Variants in IL1RAPL1 observed in about 807,000 individuals in gnomAD.
IL1RAPL1 encodes interleukin-1 receptor accessory protein-like 1.
In IL1RAPL1, 3 loss-of-function variants were observed where a neutral mutation model predicts 48.4. That is an observed-to-expected ratio of 0.06 (90% CI 0.03 to 0.16). The LOEUF is 0.16. Ranked by LOEUF, IL1RAPL1 falls within the 10% of genes least tolerant of loss-of-function variation. The pLI is 1.00. For synonymous variants in IL1RAPL1, 185 were observed against 187.7 expected (o/e 0.99, Z 0.12); for missense variants, 349 against 530.6 (o/e 0.66, Z 3.36).
In IL1RAPL1 at chrX:28,945,507, G is replaced by A. The variant is rs754104917; in HGVS notation, c.82+156082G>A. On this transcript the variant is annotated intron_variant, in intron 2 of 10. Coordinates refer to ENST00000378993, the MANE Select transcript of IL1RAPL1 (RefSeq NM_014271.4). ...CAGCAAACTATCACAGGAACAGAAA[G>A]CCAAATAACACATGTTCTCACTCAT... is the stretch of plus-strand genomic sequence containing the variant. 3.9e-3 allele frequency among the ~76,000 whole-genome samples: 433 copies of A among 110,667 alleles called. 4 individuals carry two copies. Among genetic ancestry groups the A allele is most frequent in the African/African-American group, 0.013 (407 of 30,412 alleles).
rs191746020 is a variant in IL1RAPL1 at position 29,537,030 on chromosome X, A to G, written c.704-131400A>G. Reference sequence around the variant, plus strand: ...TTTTATAATTTTAAAATTGGCATGTAGAGTACACATATAATTTCCTTAAAA... The same window carrying G: ...TTTTATAATTTTAAAATTGGCATGTGGAGTACACATATAATTTCCTTAAAA... On this transcript the variant is annotated intron_variant, in intron 5 of 10. Coordinates refer to ENST00000378993, the MANE Select transcript of IL1RAPL1 (RefSeq NM_014271.4). Among the ~76,000 whole-genome samples, 447 of 111,119 alleles carry G rather than the reference A, an allele frequency of 4.0e-3. 4 individuals carry two copies. The highest frequency in any genetic ancestry group is 6.4e-3 in the Non-Finnish European group (337 of 52,898).
At chrX:29,489,674 G>T (rs1198433601) in intron 5 of IL1RAPL1, among the ~76,000 whole-genome samples, 2 of 111,314 alleles carry the variant, frequency 1.8e-5, no homozygotes, top group Non-Finnish European at 3.8e-5. Flanking sequence ...TTCTTTATAA[G>T]GGGATTTATT....
In IL1RAPL1 at chrX:29,800,495, T is replaced by TACACACAC. The variant is rs111338514; in HGVS notation, c.779-116955_779-116948dup. On this transcript the variant is annotated intron_variant, in intron 6 of 10. Coordinates refer to ENST00000378993, the MANE Select transcript of IL1RAPL1 (RefSeq NM_014271.4). Reference sequence around the variant, plus strand: ...TATTATAGGAGACTCATATCCCAAATACACACACACACACACACACATGCA... The same window carrying TACACACAC: ...TATTATAGGAGACTCATATCCCAAATACACACACACACACACACACACACACACATGCA... Among the ~76,000 whole-genome samples the TACACACAC allele has an allele frequency of 9.9e-3, 1,030 of 103,802 alleles. 11 individuals carry two copies. The highest frequency in any genetic ancestry group is 0.034 in the African/African-American group (968 of 28,560). 90.1% of individuals were successfully genotyped at this position (103,802 alleles called of 115,157 possible). A position where few individuals can be genotyped will look rare whatever the true frequency, so the allele number is the denominator to read the frequency against.
intron 2 of IL1RAPL1, among the ~76,000 whole-genome samples, chrX:28,954,126 C>T (rs1924541500): frequency 9.0e-6 from 1 of 111,570 alleles, no homozygotes; most frequent in Admixed American, 9.5e-5. Flanking sequence ...CAAAGAAATG[C>T]AATTGACATA....
chrX:29,377,417 T>C (rs931182544), intron 3 of IL1RAPL1, among the ~76,000 whole-genome samples: 5 of 111,936 alleles, frequency 4.5e-5, no homozygotes, highest in African/African-American at 1.3e-4. Flanking sequence ...TAGCTGGTTG[T>C]TATGTAGACT....
At chrX:28,932,178 T>A (rs957480949) in intron 2 of IL1RAPL1, among the ~76,000 whole-genome samples, 3 of 111,725 alleles carry the variant, frequency 2.7e-5, no homozygotes, top group Non-Finnish European at 5.7e-5. Context: ...TTTATAGTAC[T>A]TTTTTATGGT....
At chrX:29,682,920 T>G (rs1352542734) in intron 6 of IL1RAPL1, among the ~76,000 whole-genome samples, 3 of 111,784 alleles carry the variant, frequency 2.7e-5, no homozygotes, top group Non-Finnish European at 5.6e-5. Flanking sequence ...TAGCAATAAG[T>G]CAAATCCCGA....
At chrX:29,631,423 C>T (rs1924772035) in intron 5 of IL1RAPL1, among the ~76,000 whole-genome samples, 1 of 111,020 alleles carries the variant, frequency 9.0e-6, no homozygotes, top group African/African-American at 3.3e-5. Flanking sequence ...ATACGTGTGC[C>T]ACCATGCCCA....
intron 5 of IL1RAPL1, among the ~76,000 whole-genome samples, chrX:29,484,017 A>C (rs1204868103): frequency 1.8e-5 from 2 of 109,336 alleles, no homozygotes; most frequent in African/African-American, 6.7e-5. Context: ...AAAAAAAAAA[A>C]AAAAAAAACT....
intron 5 of IL1RAPL1, among the ~76,000 whole-genome samples, chrX:29,483,422 T>C (rs147152411): frequency 0.027 from 3,036 of 111,445 alleles, 96 homozygotes; most frequent in African/African-American, 0.095. Context: ...ATGTTGGTGA[T>C]GTCCGTATGC....
intron 2 of IL1RAPL1, among the ~76,000 whole-genome samples, chrX:28,831,024 CTCTGTGTGTGTGTG>C (rs1921036139): frequency 1.7e-5 from 1 of 59,228 alleles, no homozygotes; most frequent in Non-Finnish European, 3.0e-5. Flanking sequence ...CTCTCTCTCT[CTCTGTGTGTGTGTG>C]TGTGTGTGTG....
chrX:29,594,247 G>A (rs1923471918), intron 5 of IL1RAPL1, among the ~76,000 whole-genome samples: 1 of 111,774 alleles, frequency 8.9e-6, no homozygotes, highest in South Asian at 3.7e-4. Context: ...TCTAGACTGG[G>A]GAGTTTTTCT....
At chrX:29,338,416 G>A (rs1015943119) in intron 3 of IL1RAPL1, among the ~76,000 whole-genome samples, 6 of 111,856 alleles carry the variant, frequency 5.4e-5, no homozygotes, top group South Asian at 7.4e-4. Flanking sequence ...CTTTGTTTAC[G>A]TAGTTGTTAA....
chrX:28,999,896 A>G (rs1402393215), intron 2 of IL1RAPL1, among the ~76,000 whole-genome samples: 9 of 111,895 alleles, frequency 8.0e-5, no homozygotes, highest in Admixed American at 1.9e-4. Flanking sequence ...CCTGTTTTCA[A>G]CCTCAAAGAA....
chrX:29,205,838 G>C (rs1347047719), intron 2 of IL1RAPL1, among the ~76,000 whole-genome samples: 4 of 109,505 alleles, frequency 3.7e-5, no homozygotes, highest in African/African-American at 1.3e-4. Context: ...GGGTTCAAGC[G>C]ATTCTCCTGC....
At chrX:29,753,974 C>G (rs1928552027) in intron 6 of IL1RAPL1, among the ~76,000 whole-genome samples, 1 of 111,752 alleles carries the variant, frequency 8.9e-6, no homozygotes, top group African/African-American at 3.2e-5. Context: ...GTACCTACTT[C>G]CCTCTCTGTT....
In IL1RAPL1 at chrX:29,646,187, G is replaced by T. The variant is rs144489748; in HGVS notation, c.704-22243G>T. On this transcript the variant is annotated intron_variant, in intron 5 of 10. Coordinates refer to ENST00000378993, the MANE Select transcript of IL1RAPL1 (RefSeq NM_014271.4). The stretch of plus-strand genomic sequence containing the variant: ...TCTACAAATGTCAAGAAAATAAAGA[G>T]AAATAATAAATTTCAAGGAGTAAAA... Among the ~76,000 whole-genome samples, 1,030 of 111,615 alleles carry T rather than the reference G, an allele frequency of 9.2e-3. 9 individuals carry two copies. Among genetic ancestry groups the T allele is most frequent in the African/African-American group, 0.032 (990 of 30,732 alleles).
At chrX:29,324,580 A>G (rs1395840689) in intron 3 of IL1RAPL1, among the ~76,000 whole-genome samples, 1 of 111,652 alleles carries the variant, frequency 9.0e-6, no homozygotes, top group Non-Finnish European at 1.9e-5. Flanking sequence ...AAGTTAGAGA[A>G]TTTCTTTATG....
At chrX:29,840,951 G>A (rs959289775) in intron 6 of IL1RAPL1, among the ~76,000 whole-genome samples, 3 of 111,958 alleles carry the variant, frequency 2.7e-5, no homozygotes, top group Admixed American at 9.5e-5. Flanking sequence ...GGTGATTACC[G>A]TTTTGTGAAC....
Sources: allele counts gnomAD v4.1 joint callset (sites outside exome capture counted in the v4.1 genomes callset), GRCh38; gene constraint gnomAD v4.1.1; transcripts MANE v1.5; gene names NCBI Gene and HGNC (gene_info 2026-07-23, HGNC 2026-07-21).